Variants in RANBP2 observed in about 807,000 individuals in gnomAD.
The protein encoded by RANBP2 is E3 SUMO-protein ligase RanBP2.
In RANBP2, 57 loss-of-function variants were observed where a neutral mutation model predicts 303.6. The ratio of observed to expected loss-of-function variants is 0.19; its 90% CI spans 0.15 to 0.23. The LOEUF (loss-of-function observed/expected upper bound fraction) is 0.23. RANBP2 is among the 10% of genes least tolerant of loss of function. RANBP2 has a pLI of 1.00. For synonymous variants in RANBP2, 1,167 were observed against 1,301.5 expected (o/e 0.90, Z 2.23); for missense variants, 3,138 against 3,780.8 (o/e 0.83, Z 4.46).
the RANBP2 span, among the ~76,000 whole-genome samples, chr2:108,815,448 G>A: frequency 0.8 from 111,469 of 139,858 alleles, 44,807 homozygotes; most frequent in East Asian, 0.95. Flanking sequence ...TATTAGTTGG[G>A]GAGGTTTTTG....
the RANBP2 span, among the ~76,000 whole-genome samples, chr2:109,598,546 T>G: frequency 6.6e-6 from 1 of 152,162 alleles, no homozygotes; most frequent in South Asian, 2.1e-4. Flanking sequence ...GTGGCCTAAA[T>G]AATTATCATC....
chr2:108,721,363 T>TATGAATGTG (rs746498015), intron 1 of RANBP2, among the ~76,000 whole-genome samples: 48 of 152,182 alleles, frequency 3.2e-4, no homozygotes, highest in Non-Finnish European at 5.7e-4. Flanking sequence ...ATAGTATAAA[T>TATGAATGTG]ATGAATGTGA....
chr2:108,806,543 G>A, the RANBP2 span, among the ~76,000 whole-genome samples: 1 of 152,144 alleles, frequency 6.6e-6, no homozygotes. Context: ...TAGATAGTAA[G>A]TACTTTGGGC....
the RANBP2 span, among the ~76,000 whole-genome samples, chr2:109,765,334 T>C: frequency 2.7e-5 from 4 of 149,654 alleles, no homozygotes; most frequent in East Asian, 8.2e-4. Context: ...AAATAACGCT[T>C]ATTACTATGT....
chr2:109,137,159 C>G, the RANBP2 span, among the ~76,000 whole-genome samples: 1 of 152,188 alleles, frequency 6.6e-6, no homozygotes, highest in Non-Finnish European at 1.5e-5. Context: ...CTCTGTTTAT[C>G]TGGCAGGAAT....
the RANBP2 span, among the ~76,000 whole-genome samples, chr2:109,083,680 G>A: frequency 6.6e-6 from 1 of 152,200 alleles, no homozygotes; most frequent in South Asian, 2.1e-4. Context: ...AAGTGGGACT[G>A]CTGGATCATA....
chr2:109,026,297 C>CTTTTTTTTTTTTTTT, the RANBP2 span, among the ~76,000 whole-genome samples: 11 of 93,420 alleles, frequency 1.2e-4, no homozygotes, highest in East Asian at 7.7e-4. Flanking sequence ...CCATGCCTAG[C>CTTTTTTTTTTTTTTT]TTTTTTTTTT....
At chr2:108,754,741 AAG>A (rs1553490651) in intron 15 of RANBP2, among the ~76,000 whole-genome samples, 162 bp from the exon 16 acceptor site, 1 of 148,786 alleles carries the variant, frequency 6.7e-6, no homozygotes, top group African/African-American at 2.6e-5. Context: ...ACAACAGAAA[AAG>A]AAAAAAGATA....
chr2:109,272,860 G>T, the RANBP2 span, among the ~76,000 whole-genome samples: 1 of 152,290 alleles, frequency 6.6e-6, no homozygotes, highest in African/African-American at 2.4e-5. Context: ...GTGTTCTGTC[G>T]GCAAACGTTC....
At chr2:108,851,663 G>A in the RANBP2 span, among the ~76,000 whole-genome samples, 14 of 152,234 alleles carry the variant, frequency 9.2e-5, no homozygotes, top group Non-Finnish European at 1.3e-4. Context: ...AGGATATAGG[G>A]CTGGACTCTC....
the RANBP2 span, among the ~76,000 whole-genome samples, chr2:109,007,128 A>G: frequency 6.6e-6 from 1 of 152,226 alleles, no homozygotes; most frequent in African/African-American, 2.4e-5. Flanking sequence ...GACGCATTGC[A>G]TATGTGGATT....
chr2:109,659,799 GA>G, the RANBP2 span, among the ~76,000 whole-genome samples: 1 of 152,222 alleles, frequency 6.6e-6, no homozygotes, highest in Non-Finnish European at 1.5e-5. Flanking sequence ...CCTAGAAGGG[GA>G]ACAGCAGCAA....
At chr2:109,088,202 TC>T in the RANBP2 span, among the ~76,000 whole-genome samples, 1 of 151,916 alleles carries the variant, frequency 6.6e-6, no homozygotes, top group East Asian at 2.0e-4. Flanking sequence ...ATCAAGACCA[TC>T]CTGGCCAACA....
the RANBP2 span, among the ~76,000 whole-genome samples, chr2:108,964,366 C>A: frequency 6.6e-6 from 1 of 152,146 alleles, no homozygotes; most frequent in Non-Finnish European, 1.5e-5. Flanking sequence ...CATGATGCCA[C>A]GGCTCCAAAG....
At chr2:108,939,588 TG>T in the RANBP2 span, among the ~76,000 whole-genome samples, 140 of 75,790 alleles carry the variant, frequency 1.8e-3, no homozygotes, top group Non-Finnish European at 5.6e-3. Context: ...GGGTGAGGGC[TG>T]GGAGGAGGAG....
the RANBP2 span, among the ~76,000 whole-genome samples, chr2:109,429,519 A>T: frequency 6.6e-6 from 1 of 152,096 alleles, no homozygotes; most frequent in Admixed American, 6.5e-5. Flanking sequence ...GCATCTCCCT[A>T]CGCGTTGGCC....
the RANBP2 span, chr2:109,615,056 C>T: frequency 1.1e-4 from 167 of 1,549,094 alleles, 2 homozygotes; most frequent in African/African-American, 2.1e-3. Context: ...CGGACAGGGG[C>T]AGCTCCCTTG....
the RANBP2 span, among the ~76,000 whole-genome samples, chr2:109,084,158 CCTT>C: frequency 6.6e-6 from 1 of 152,176 alleles, no homozygotes; most frequent in Non-Finnish European, 1.5e-5. Context: ...CAAAACTCCT[CCTT>C]CTTTTTCTGG....
At chr2:109,587,741 G>C in the RANBP2 span, among the ~76,000 whole-genome samples, 4 of 152,042 alleles carry the variant, frequency 2.6e-5, no homozygotes, top group Non-Finnish European at 5.9e-5. Flanking sequence ...GTGAAACCCT[G>C]TGTCTACTAA....
Sources: allele counts gnomAD v4.1 joint callset (sites outside exome capture counted in the v4.1 genomes callset), GRCh38; gene constraint gnomAD v4.1.1; transcripts MANE v1.5; gene names NCBI Gene and HGNC (gene_info 2026-07-23, HGNC 2026-07-21).